Variants in ZNF423 observed in about 807,000 individuals in gnomAD.
ZNF423 encodes the protein Ebf-associated zinc finger protein.
Under a neutral mutation model 95.8 loss-of-function variants are expected in ZNF423, and 12 were observed. The ratio of observed to expected loss-of-function variants is 0.13; its 90% CI spans 0.08 to 0.20. ZNF423 has a LOEUF of 0.20. ZNF423 is among the 10% of genes least tolerant of loss of function. ZNF423 has a pLI of 1.00. For synonymous variants in ZNF423, 749 were observed against 711.9 expected (o/e 1.05, Z -0.83); for missense variants, 1,316 against 1,737.1 (o/e 0.76, Z 4.31).
At chr16:49,557,338 G>A (rs879825273) in intron 5 of ZNF423, among the ~76,000 whole-genome samples, 13 of 152,206 alleles carry the variant, frequency 8.5e-5, no homozygotes, top group Admixed American at 5.9e-4. Flanking sequence ...GCCCCTGCCC[G>A]CTCCTCCTCC....
At chr16:49,538,478 C>T (rs1345291377) in intron 5 of ZNF423, among the ~76,000 whole-genome samples, 1 of 152,216 alleles carries the variant, frequency 6.6e-6, no homozygotes, top group Non-Finnish European at 1.5e-5. Context: ...CAGCCTCACC[C>T]CCTGCCACAT....
intron 3 of ZNF423, among the ~76,000 whole-genome samples, chr16:49,667,226 T>G (rs969654679): frequency 6.6e-6 from 1 of 152,192 alleles, no homozygotes; most frequent in Non-Finnish European, 1.5e-5. Context: ...GAGATGCCAG[T>G]AAAATGCCTA....
intron 2 of ZNF423, among the ~76,000 whole-genome samples, chr16:49,759,937 G>A (rs1280737217): frequency 7.2e-6 from 1 of 139,408 alleles, no homozygotes; most frequent in Admixed American, 8.1e-5. Flanking sequence ...CAAGGGCCAG[G>A]ATCACTTTAG....
At chr16:49,586,057 G>C (rs1489242891) in intron 5 of ZNF423, among the ~76,000 whole-genome samples, 2 of 152,114 alleles carry the variant, frequency 1.3e-5, no homozygotes, top group African/African-American at 4.8e-5. Flanking sequence ...CTGCCTCCCA[G>C]AACGCTAACC....
chr16:49,630,907 C>A lies in ZNF423; in HGVS notation c.3517-4653G>T, dbSNP rs1043157411. Among the ~76,000 whole-genome samples the A allele has an allele frequency of 2.0e-5, 3 of 151,994 alleles. No individual in the cohort carries two copies. The South Asian group carries it at 6.2e-4, about 32-fold the overall frequency. On this transcript the variant is annotated intron_variant, in intron 4 of 7. Transcript: ENST00000563137. ...GGGAAGGGCCGGGAGAAGGGCTGAC[C>A]CCTCACATACACACAAGACACACAC... is the stretch of plus-strand genomic sequence containing the variant.
chr16:49,513,784 G>A (rs1215565169), intron 7 of ZNF423, among the ~76,000 whole-genome samples: 1 of 152,156 alleles, frequency 6.6e-6, no homozygotes, highest in Non-Finnish European at 1.5e-5. Context: ...AATCAGGGGG[G>A]TTAAACCAAG....
intron 2 of ZNF423, among the ~76,000 whole-genome samples, chr16:49,775,091 C>T (rs1189671166): frequency 6.6e-6 from 1 of 152,206 alleles, no homozygotes; most frequent in Non-Finnish European, 1.5e-5. Context: ...GGCTGTACTG[C>T]ATGGAACTCC....
intron 2 of ZNF423, among the ~76,000 whole-genome samples, chr16:49,787,304 G>GA (rs138965858): frequency 6.6e-6 from 1 of 151,930 alleles, no homozygotes; most frequent in South Asian, 2.1e-4. Flanking sequence ...GAAAAAAAAA[G>GA]AAAAAACACC....
intron 7 of ZNF423, among the ~76,000 whole-genome samples, chr16:49,512,719 T>C (rs961814452): frequency 6.6e-6 from 1 of 152,240 alleles, no homozygotes; most frequent in Non-Finnish European, 1.5e-5. Context: ...GAACTCCATC[T>C]TCACAACAAC....
At chr16:49,649,541 C>A (rs1036136868) in intron 3 of ZNF423, among the ~76,000 whole-genome samples, 4 of 152,122 alleles carry the variant, frequency 2.6e-5, no homozygotes, top group South Asian at 2.1e-4. Context: ...AGGTACCCAG[C>A]ATTCTTAGGT....
intron 3 of ZNF423, among the ~76,000 whole-genome samples, chr16:49,641,902 T>C (rs981699882): frequency 4.6e-5 from 7 of 152,176 alleles, no homozygotes; most frequent in African/African-American, 1.7e-4. Context: ...ATGAGGGAAA[T>C]GGTCTAAAAC....
intron 7 of ZNF423, among the ~76,000 whole-genome samples, chr16:49,498,014 G>A (rs1252960663): frequency 6.6e-6 from 1 of 152,228 alleles, no homozygotes; most frequent in Admixed American, 6.5e-5. Context: ...CAGCCCAGGT[G>A]AGGATTTGCA....
intron 7 of ZNF423, among the ~76,000 whole-genome samples, chr16:49,521,914 C>T (rs1460699986): frequency 6.6e-6 from 1 of 152,240 alleles, no homozygotes; most frequent in African/African-American, 2.4e-5. Context: ...CAACAGCCAC[C>T]ACCAGCTGTG....
At chr16:49,763,392 C>A (rs77435488) in intron 2 of ZNF423, among the ~76,000 whole-genome samples, 11,340 of 152,186 alleles carry the variant, frequency 0.075, 473 homozygotes, top group South Asian at 0.14. Context: ...AATCCACCCA[C>A]CTCAGCCTCC....
intron 3 of ZNF423, among the ~76,000 whole-genome samples, chr16:49,680,027 G>A (rs912408228): frequency 5.3e-5 from 8 of 152,214 alleles, no homozygotes; most frequent in African/African-American, 1.7e-4. Flanking sequence ...ACCCACTGTG[G>A]GTCTCCTCTG....
At chr16:49,503,359 G>T (rs1198245100) in intron 7 of ZNF423, among the ~76,000 whole-genome samples, 1 of 152,058 alleles carries the variant, frequency 6.6e-6, no homozygotes, top group Non-Finnish European at 1.5e-5. Context: ...TCCCTGGCGG[G>T]TCCCACCCAC....
At chr16:49,761,017 C>T (rs1372315712) in intron 2 of ZNF423, among the ~76,000 whole-genome samples, 1 of 150,284 alleles carries the variant, frequency 6.7e-6, no homozygotes, top group Non-Finnish European at 1.5e-5. Context: ...CACATAAACA[C>T]ATGCACACGT....
intron 2 of ZNF423, among the ~76,000 whole-genome samples, chr16:49,758,865 A>G (rs1172409398): frequency 1.3e-5 from 2 of 152,236 alleles, no homozygotes; most frequent in Non-Finnish European, 2.9e-5. Context: ...AAAACAAAGC[A>G]AGGGTGTGAT....
intron 2 of ZNF423, among the ~76,000 whole-genome samples, chr16:49,753,193 A>G (rs1259753547): frequency 2.6e-5 from 4 of 151,966 alleles, no homozygotes; most frequent in Non-Finnish European, 5.9e-5. Context: ...GCAGTGAGCC[A>G]AGATCATGCC....
Sources: gnomAD v4.1 joint callset for allele counts (sites outside exome capture counted in the v4.1 genomes callset) on GRCh38, gnomAD v4.1.1 for gene constraint, MANE v1.5 for transcripts, NCBI Gene and HGNC (gene_info 2026-07-23, HGNC 2026-07-21) for gene names.